The following CRX variants were observed in gnomAD, a reference collection of about 807,000 sequenced individuals.
CRX encodes the protein cone-rod homeobox.
In CRX, 5 loss-of-function variants were observed where a neutral mutation model predicts 13.1. The ratio of observed to expected loss-of-function variants is 0.38; its 90% CI spans 0.20 to 0.80. The LOEUF (loss-of-function observed/expected upper bound fraction) is 0.80, where lower values mean the gene tolerates loss of function less well. Ranked by LOEUF, CRX falls within the 30% of genes least tolerant of loss-of-function variation. CRX has a pLI of 0.43. For synonymous variants in CRX, 179 were observed against 171.1 expected, an observed-to-expected ratio of 1.05 and a Z score of -0.36; for missense variants, 351 against 391.8, an observed-to-expected ratio of 0.90 and a Z score of 0.88.
At chr19:47,836,774 G>A (rs1208985300) in intron 3 of CRX, among the ~76,000 whole-genome samples, 1 of 152,164 alleles carries the variant, frequency 6.6e-6, no homozygotes, top group Non-Finnish European at 1.5e-5. Context: ...ATTTACATAT[G>A]GTATCTCAGA....
chr19:47,822,794 T>C (rs1231105789), intron 1 of CRX, among the ~76,000 whole-genome samples: 1 of 152,062 alleles, frequency 6.6e-6, no homozygotes, highest in Non-Finnish European at 1.5e-5. Flanking sequence ...TCTGCAAAGT[T>C]TTTTTTTGTT....
At chr19:47,825,576 T>A (rs1325313752) in intron 1 of CRX, among the ~76,000 whole-genome samples, 1 of 152,142 alleles carries the variant, frequency 6.6e-6, no homozygotes, top group African/African-American at 2.4e-5. Context: ...CTGTTTGATC[T>A]GGGGCCCACA....
intron 1 of CRX, among the ~76,000 whole-genome samples, chr19:47,823,985 G>A (rs921707884): frequency 6.6e-6 from 1 of 152,170 alleles, no homozygotes; most frequent in Non-Finnish European, 1.5e-5. Context: ...TTCTCACTGT[G>A]TGGCCTTGGA....
intron 1 of CRX, among the ~76,000 whole-genome samples, chr19:47,826,999 A>G (rs1440568464): frequency 1.3e-5 from 2 of 152,136 alleles, no homozygotes; most frequent in African/African-American, 4.8e-5. Context: ...GGATGGCTTG[A>G]GCATCCTCAC....
At chr19:47,825,167 G>A (rs1037152626) in intron 1 of CRX, among the ~76,000 whole-genome samples, 24 of 151,794 alleles carry the variant, frequency 1.6e-4, no homozygotes, top group Admixed American at 3.9e-4. Context: ...TTTAGTAGAC[G>A]GGGTTTCACC....
chr19:47,826,201 G>T (rs1967973410), intron 1 of CRX, among the ~76,000 whole-genome samples: 1 of 152,130 alleles, frequency 6.6e-6, no homozygotes, highest in African/African-American at 2.4e-5. Context: ...GGGGCTGGGG[G>T]AATAGGACCT....
chr19:47,823,847 A>C (rs1278338737), intron 1 of CRX, among the ~76,000 whole-genome samples: 1 of 151,650 alleles, frequency 6.6e-6, no homozygotes, highest in Non-Finnish European at 1.5e-5. Context: ...ATGGGGTTTC[A>C]CCTTGTTAGC....
chr19:47,836,780 T>A (rs1968122583), intron 3 of CRX, among the ~76,000 whole-genome samples: 1 of 152,234 alleles, frequency 6.6e-6, no homozygotes, highest in Non-Finnish European at 1.5e-5. Flanking sequence ...ATATGGTATC[T>A]CAGAGTCTGT....
chr19:47,828,938 AC>A (rs1968010994), intron 1 of CRX, among the ~76,000 whole-genome samples: 3 of 140,736 alleles, frequency 2.1e-5, no homozygotes, highest in Non-Finnish European at 4.8e-5. Flanking sequence ...ACACACACAC[AC>A]ACAATTAAAA....
At chr19:47,838,809 G>A (rs563015518) in intron 3 of CRX, among the ~76,000 whole-genome samples, 1 of 151,636 alleles carries the variant, frequency 6.6e-6, no homozygotes, top group Non-Finnish European at 1.5e-5. Flanking sequence ...TGTGTATGGT[G>A]TATGTATGTA....
chr19:47,827,537 CTTT>C (rs71180887), intron 1 of CRX, among the ~76,000 whole-genome samples: 10 of 90,336 alleles, frequency 1.1e-4, no homozygotes, highest in East Asian at 3.1e-4. Context: ...TTTCTGAAGG[CTTT>C]TTTTTTTTTT....
At position 47,842,119 on chromosome 19, in the gene CRX, G is replaced by GC. The variant is rs1968204613; in HGVS notation, c.*2154dup. The GC allele has an allele frequency of 1.3e-5, 2 of 152,818 alleles. No homozygotes were observed. The highest frequency in any genetic ancestry group is 4.8e-5 in the African/African-American group (2 of 41,470). The allele number at this position is 152,818 out of a possible 1,614,324, so 9.5% of individuals were successfully genotyped here. On this transcript the variant is annotated 3_prime_UTR_variant, in exon 4 of 4. Coordinates refer to ENST00000221996, the MANE Select transcript of CRX (RefSeq NM_000554.6). ...GGAGAAAGGCGAGATGTGAAGAGAG[G>GC]CCGGGAGGTATCAGATGACGTTTCC...
intron 1 of CRX, among the ~76,000 whole-genome samples, chr19:47,830,290 C>G (rs1329129660): frequency 6.6e-6 from 1 of 151,638 alleles, no homozygotes; most frequent in East Asian, 1.9e-4. Flanking sequence ...GCCTGGATGA[C>G]AGAGGGAGAC....
intron 3 of CRX, among the ~76,000 whole-genome samples, chr19:47,836,669 C>T (rs1968121655): frequency 6.6e-6 from 1 of 152,194 alleles, no homozygotes; most frequent in South Asian, 2.1e-4. Flanking sequence ...TGCTTATTTC[C>T]AGATAACCAC....
chr19:47,828,687 C>T (rs937760859), intron 1 of CRX, among the ~76,000 whole-genome samples: 2 of 146,620 alleles, frequency 1.4e-5, no homozygotes, highest in Non-Finnish European at 3.0e-5. Context: ...TGAGCTGAGA[C>T]GTGGAGGAGA....
In CRX at chr19:47,822,735, C is replaced by T. The variant is rs551488114; in HGVS notation, c.-36+725C>T. On this transcript the variant is annotated intron_variant, in intron 1 of 3. Coordinates refer to ENST00000221996, the MANE Select transcript of CRX (RefSeq NM_000554.6). ...CTACTTCGGGACTGGGGAATCCTCA[C>T]GCCCCCGCCCTCTTAGCTTCCAGCA... Among the ~76,000 whole-genome samples, 21 of 152,306 alleles carry T rather than the reference C, an allele frequency of 1.4e-4. No homozygotes were observed. In the East Asian group the frequency reaches 2.9e-3, roughly 21 times the overall value.
In CRX at chr19:47,824,318, G is replaced by C. The variant is rs556532011; in HGVS notation, c.-36+2308G>C. 4.1e-4 allele frequency among the ~76,000 whole-genome samples: 62 copies of C among 152,294 alleles called. 1 individual carries two copies. The highest frequency in any genetic ancestry group is 2.6e-4 in the Admixed American group (4 of 15,290). Reference sequence around the variant, plus strand: ...ACCTCTGAGCTCCGTGGGGCTGTGGGGAGCATCCTAAGAGGCCATATCGCC... The same window carrying C: ...ACCTCTGAGCTCCGTGGGGCTGTGGCGAGCATCCTAAGAGGCCATATCGCC... On this transcript the variant is annotated intron_variant, in intron 1 of 3. Coordinates refer to ENST00000221996, the MANE Select transcript of CRX (RefSeq NM_000554.6).
Position 47,839,402 on chromosome 19 carries a change from C to T in CRX, c.335C>T (p.Ala112Val), listed in dbSNP as rs61748439. 42 of 1,613,758 alleles carry T rather than the reference C, an allele frequency of 2.6e-5. No homozygotes were observed. In the East Asian group the frequency reaches 8.5e-4, roughly 33 times the overall value. The change falls in exon 4 of 4, where the codon GCC (alanine) becomes GTC (valine). Residue 112 changes from alanine (A) to valine (V), a missense_variant. Coordinates refer to ENST00000221996, the MANE Select transcript of CRX (RefSeq NM_000554.6). This position sits in a 1 kb window ranked among gnomAD's most constrained non-coding sequence, Gnocchi z 4.6. ...KQQQQPPGGQ[A>V]KARPAKRKAG... ...CAGCAGCAGCCCCCAGGGGGCCAGG[C>T]CAAGGCCCGGCCTGCCAAGAGGAAG...
At chr19:47,838,404 G>T (rs1383876270) in intron 3 of CRX, among the ~76,000 whole-genome samples, 1 of 151,996 alleles carries the variant, frequency 6.6e-6, no homozygotes, top group East Asian at 1.9e-4. Context: ...CTGCATGATT[G>T]TATGTATGGA....
Sources: gnomAD v4.1 joint callset for allele counts (sites outside exome capture counted in the v4.1 genomes callset) on GRCh38, gnomAD v4.1.1 for gene constraint, Gnocchi (gnomAD v3.1) non-coding constraint, MANE v1.5 for transcripts, NCBI Gene and HGNC (gene_info 2026-07-23, HGNC 2026-07-21) for gene names.